The following APMAP variants were observed in gnomAD, a reference collection of about 807,000 sequenced individuals.
The protein encoded by APMAP is adipocyte plasma membrane associated protein.
A neutral mutation model predicts 43.6 loss-of-function variants in APMAP; 33 were observed. The ratio of observed to expected loss-of-function variants is 0.76; its 90% confidence interval spans 0.57 to 1.01. The LOEUF is 1.01. Ranked by LOEUF, APMAP falls within the 50% of genes least tolerant of loss-of-function variation. The pLI, the probability that APMAP is intolerant of heterozygous loss-of-function variation, is 0.00. For missense variants in APMAP, 498 were observed against 540.7 expected (o/e 0.92, Z 0.78); for synonymous variants, 224 against 216.7 (o/e 1.03, Z -0.30).
At chr20:24,990,576 A>C (rs1190488895) in intron 1 of APMAP, among the ~76,000 whole-genome samples, 3 of 152,244 alleles carry the variant, frequency 2.0e-5, no homozygotes. Context: ...TCTATTTAGC[A>C]CATCTAAAGT....
chr20:24,992,207 A>C (rs1275107635), intron 1 of APMAP, among the ~76,000 whole-genome samples: 2 of 152,168 alleles, frequency 1.3e-5, no homozygotes, highest in Non-Finnish European at 2.9e-5. Flanking sequence ...AGCTGTGCTC[A>C]GGGGGATCAT....
intron 3 of APMAP, among the ~76,000 whole-genome samples, chr20:24,975,689 G>C (rs2088044790): frequency 6.6e-6 from 1 of 152,152 alleles, no homozygotes; most frequent in African/African-American, 2.4e-5. Context: ...AGTTCATATG[G>C]AGAGGGCGAA....
chr20:24,983,386 C>G (rs970018711), intron 2 of APMAP, among the ~76,000 whole-genome samples: 3 of 152,188 alleles, frequency 2.0e-5, no homozygotes, highest in Admixed American at 2.0e-4. Flanking sequence ...CTGATGAGAG[C>G]CTGGCTCTAT....
chr20:24,978,693 T>C, intron 3 of APMAP, 74 bp downstream of exon 3: 1 of 1,199,416 alleles, frequency 8.3e-7, no homozygotes, highest in Non-Finnish European at 1.2e-6. Context: ...CCACTGCAGC[T>C]GCTCCCACAG....
At chr20:24,966,538 G>A (rs908205771) in intron 8 of APMAP, among the ~76,000 whole-genome samples, 8 of 152,152 alleles carry the variant, frequency 5.3e-5, no homozygotes, top group Admixed American at 2.6e-4. Flanking sequence ...TCACTGCTGC[G>A]CCACTGCTGC....
At position 24,971,527 on chromosome 20, in the gene APMAP, T is replaced by G. The variant is rs773983431; in HGVS notation, c.471A>C (p.Ala157=). The G allele has an allele frequency of 6.2e-7, 1 of 1,614,254 alleles. No individual in the cohort carries two copies. The highest frequency in any genetic ancestry group is 1.7e-5 in the Admixed American group (1 of 60,034). ...CCACAAAGAGAGTCCCATTGGGCCC[T>G]GCACGGATACCCAGGGGTCTCCCAC... ...PVCGRPLGIR[A]GPNGTLFVAD... is the part of the protein sequence containing the mutation. Residue 157 remains alanine (A), a synonymous_variant, in exon 5 of 9, where the codon GCA becomes GCC. Transcript: ENST00000217456.
chr20:24,986,633 C>T (rs1335370950), intron 1 of APMAP, among the ~76,000 whole-genome samples: 2 of 152,190 alleles, frequency 1.3e-5, no homozygotes, highest in Non-Finnish European at 2.9e-5. Flanking sequence ...GAGTAAGGGC[C>T]AGGAAAAGAG....
At chr20:24,992,570 G>GC in intron 1 of APMAP, 24 bp downstream of exon 1, 1 of 1,473,444 alleles carries the variant, frequency 6.8e-7, no homozygotes, top group Non-Finnish European at 9.1e-7. Flanking sequence ...CGGCTCCAGC[G>GC]CCCAGTCTGG....
At chr20:24,965,203 C>A (rs759939575) in intron 8 of APMAP, among the ~76,000 whole-genome samples, 12 of 152,240 alleles carry the variant, frequency 7.9e-5, no homozygotes, top group Non-Finnish European at 1.0e-4. Flanking sequence ...TTCCCTTGAT[C>A]CCAGTCTCTC....
intron 3 of APMAP, among the ~76,000 whole-genome samples, chr20:24,976,673 T>C (rs1311556296): frequency 6.6e-6 from 1 of 152,256 alleles, no homozygotes; most frequent in African/African-American, 2.4e-5. Context: ...CCAGCAATTA[T>C]GCTTTTCGGT....
At chr20:24,988,538 C>A (rs942056676) in intron 1 of APMAP, among the ~76,000 whole-genome samples, 10 of 152,212 alleles carry the variant, frequency 6.6e-5, no homozygotes, top group Non-Finnish European at 1.3e-4. Context: ...GTAACACTCT[C>A]CTAAAGCTGG....
intron 8 of APMAP, among the ~76,000 whole-genome samples, chr20:24,967,927 C>T (rs1384106909): frequency 6.6e-6 from 1 of 152,218 alleles, no homozygotes; most frequent in Non-Finnish European, 1.5e-5. Context: ...TCACTGAAGG[C>T]CGTGAGCCAG....
Position 24,963,797 on chromosome 20 carries a change from C to T in APMAP, c.*16G>A, listed in dbSNP as rs1453792461. On this transcript the variant is annotated 3_prime_UTR_variant, in exon 9 of 9. Transcript: ENST00000217456. Reference sequence around the variant, plus strand: ...AGACTCCTGGCCTGCGTGGCAGGGGCAGCTATCTGGGAGGGCTAAACAGCC... The same window carrying T: ...AGACTCCTGGCCTGCGTGGCAGGGGTAGCTATCTGGGAGGGCTAAACAGCC... 2 of 1,612,460 alleles carry T rather than the reference C, an allele frequency of 1.2e-6. No individual in the cohort carries two copies. Among genetic ancestry groups the T allele is most frequent in the Admixed American group, 3.3e-5 (2 of 60,002 alleles).
At chr20:24,977,717 A>G (rs1456802773) in intron 3 of APMAP, among the ~76,000 whole-genome samples, 1 of 152,266 alleles carries the variant, frequency 6.6e-6, no homozygotes, top group Non-Finnish European at 1.5e-5. Flanking sequence ...AGGTAAGATC[A>G]TTGGTTTGCA....
chr20:24,972,681 C>T (rs1433819351), intron 4 of APMAP, among the ~76,000 whole-genome samples: 1 of 145,492 alleles, frequency 6.9e-6, no homozygotes, highest in African/African-American at 2.6e-5. Context: ...CTGTAGGGTG[C>T]TCATTGCAAG....
chr20:24,976,766 A>T (rs930348325), intron 3 of APMAP, among the ~76,000 whole-genome samples: 3 of 152,256 alleles, frequency 2.0e-5, no homozygotes, highest in African/African-American at 7.2e-5. Flanking sequence ...ATAACTGCCA[A>T]AACTTAGCAG....
At chr20:24,968,828 G>T (rs2087970021) in intron 8 of APMAP, 64 bp downstream of exon 8, 17 of 1,482,382 alleles carry the variant, frequency 1.1e-5, no homozygotes, top group Non-Finnish European at 1.5e-5. Flanking sequence ...AGCTATAAGG[G>T]TCAAAAAAAT....
chr20:24,992,477 C>T, intron 1 of APMAP, 117 bp downstream of exon 1: 3 of 826,164 alleles, frequency 3.6e-6, no homozygotes, highest in Admixed American at 8.3e-5. Flanking sequence ...AGGACTCTGA[C>T]AACGCGCTCG....
chr20:24,976,048 T>A (rs746723236), intron 3 of APMAP, among the ~76,000 whole-genome samples: 1 of 152,166 alleles, frequency 6.6e-6, no homozygotes, highest in African/African-American at 2.4e-5. Flanking sequence ...AAATGGATCA[T>A]AGACCTAAAT....
Sources: allele counts gnomAD v4.1 joint callset (sites outside exome capture counted in the v4.1 genomes callset), GRCh38; gene constraint gnomAD v4.1.1; transcripts MANE v1.5; gene names NCBI Gene and HGNC (gene_info 2026-07-23, HGNC 2026-07-21).